The following FCHSD2 variants were observed in gnomAD, a reference collection of about 807,000 sequenced individuals.
FCHSD2 encodes FCH and double SH3 domains 2.
A neutral mutation model predicts 108.1 loss-of-function variants in FCHSD2; 38 were observed. That is an observed-to-expected ratio of 0.35 (90% CI 0.27 to 0.46). FCHSD2 has a LOEUF of 0.46. Among genes scored for constraint, FCHSD2 ranks in the 20% least tolerant of loss-of-function variants. FCHSD2 has a pLI of 1.00. For missense variants in FCHSD2, 751 were observed against 897.8 expected (o/e 0.84, Z 2.09); for synonymous variants, 279 against 314.7 (o/e 0.89, Z 1.20).
At chr11:72,916,073 T>C (rs1591395581) in intron 9 of FCHSD2, among the ~76,000 whole-genome samples, 2 of 151,312 alleles carry the variant, frequency 1.3e-5, no homozygotes, top group South Asian at 4.2e-4. Flanking sequence ...GGGTGGAGGG[T>C]GGGAGGAGGG....
At chr11:72,921,789 A>T in intron 9 of FCHSD2, 39 bp downstream of exon 9, 1 of 1,562,500 alleles carries the variant, frequency 6.4e-7, no homozygotes, top group Non-Finnish European at 8.8e-7. Context: ...TTAGCTTCTA[A>T]GTTGGATAAC....
chr11:73,042,093 A>C (rs905709081), intron 3 of FCHSD2, among the ~76,000 whole-genome samples: 2 of 151,932 alleles, frequency 1.3e-5, no homozygotes, highest in African/African-American at 2.4e-5. Flanking sequence ...CACCCAGCTA[A>C]TTTTTTTATT....
intron 2 of FCHSD2, among the ~76,000 whole-genome samples, chr11:73,094,786 C>T (rs1304080593): frequency 6.6e-6 from 1 of 152,158 alleles, no homozygotes; most frequent in Non-Finnish European, 1.5e-5. Context: ...TTCTGGAATA[C>T]AGTGGCTGTT....
At chr11:72,943,085 G>A (rs976084910) in intron 8 of FCHSD2, among the ~76,000 whole-genome samples, 19 of 152,098 alleles carry the variant, frequency 1.2e-4, no homozygotes, top group African/African-American at 2.2e-4. Context: ...TCCGCCTCCC[G>A]GGTTCAAGTG....
chr11:73,032,290 A>G (rs1007426509), intron 3 of FCHSD2, among the ~76,000 whole-genome samples: 8 of 152,154 alleles, frequency 5.3e-5, no homozygotes, highest in African/African-American at 1.7e-4. Context: ...GTACAACAGC[A>G]CAATCATTGT....
At chr11:72,874,574 A>G (rs1460992906) in intron 12 of FCHSD2, among the ~76,000 whole-genome samples, 1 of 152,250 alleles carries the variant, frequency 6.6e-6, no homozygotes, top group East Asian at 1.9e-4. Context: ...TAGAAATCAC[A>G]TATGCAAGTC....
chr11:72,917,626 C>T (rs1053650317), intron 9 of FCHSD2, among the ~76,000 whole-genome samples: 1 of 152,222 alleles, frequency 6.6e-6, no homozygotes, highest in African/African-American at 2.4e-5. Flanking sequence ...TGGCTGACGC[C>T]TGTAATCCCA....
At chr11:72,862,411 A>G (rs911216519) in intron 13 of FCHSD2, among the ~76,000 whole-genome samples, 2 of 152,272 alleles carry the variant, frequency 1.3e-5, no homozygotes, top group African/African-American at 2.4e-5. Context: ...ATATAAGATC[A>G]ATATACAACA....
chr11:72,882,214 G>A lies in FCHSD2; in HGVS notation c.1146+5256C>T, dbSNP rs534871459. Among the ~76,000 whole-genome samples the A allele has an allele frequency of 3.9e-5, 6 of 152,092 alleles. No homozygotes were observed. The South Asian group carries it at 6.2e-4, about 16-fold the overall frequency. On this transcript the variant is annotated intron_variant, in intron 12 of 19. Transcript: ENST00000409418. ...TCCCAGCACTTTGGGAGGCCAAGGC[G>A]GGTGGATCATGAGGTCAGGAGTTCG...
At position 73,082,730 on chromosome 11, in the gene FCHSD2, T is replaced by G. The variant is rs142568333; in HGVS notation, c.165+965A>C. The stretch of plus-strand genomic sequence containing the variant: ...AACAATCTCCCATATTTTAAAATTT[T>G]TGCTACAAAGACAACTTTTACAATT... On this transcript the variant is annotated intron_variant, in intron 3 of 19. Transcript: ENST00000409418. 1.3e-3 allele frequency among the ~76,000 whole-genome samples: 200 copies of G among 152,274 alleles called. 1 individual carries two copies. Among genetic ancestry groups the G allele is most frequent in the African/African-American group, 4.6e-3 (193 of 41,562 alleles).
chr11:72,863,755 G>T (rs1367699), intron 13 of FCHSD2, among the ~76,000 whole-genome samples: 24,623 of 152,060 alleles, frequency 0.16, 2,400 homozygotes, highest in Non-Finnish European at 0.23. Flanking sequence ...CATTATCAGA[G>T]AAATGGAAAT....
At chr11:73,110,721 TG>T in intron 2 of FCHSD2, among the ~76,000 whole-genome samples, 1 of 152,302 alleles carries the variant, frequency 6.6e-6, no homozygotes, top group East Asian at 1.9e-4. Context: ...GGGTTTGGTT[TG>T]CTCTTGCTTT....
chr11:72,854,707 T>C (rs1861376663), intron 13 of FCHSD2, among the ~76,000 whole-genome samples: 1 of 152,212 alleles, frequency 6.6e-6, no homozygotes, highest in African/African-American at 2.4e-5. Context: ...GATAAAATAC[T>C]CTGATTCTAC....
intron 8 of FCHSD2, among the ~76,000 whole-genome samples, chr11:72,969,767 C>T (rs762207297): frequency 5.3e-5 from 8 of 152,172 alleles, no homozygotes; most frequent in Non-Finnish European, 8.8e-5. Flanking sequence ...TCAGCAAACT[C>T]CACACTATGT....
chr11:73,082,335 C>CAAAAAAAAAA lies in FCHSD2; in HGVS notation c.165+1350_165+1359dup. On this transcript the variant is annotated intron_variant, in intron 3 of 19. Coordinates refer to ENST00000409418, the MANE Select transcript of FCHSD2 (RefSeq NM_014824.3). ...CTGGATCACAGAGTGAGACTTGTCC[C>CAAAAAAAAAA]AAAAAAAAAAAAAAAAAAAAAAAAA... Among the ~76,000 whole-genome samples the CAAAAAAAAAA allele has an allele frequency of 5.3e-3, 184 of 34,440 alleles. 1 individual carries two copies. Among genetic ancestry groups the CAAAAAAAAAA allele is most frequent in the Non-Finnish European group, 7.2e-3 (136 of 18,782 alleles). 22.6% of individuals were successfully genotyped at this position (34,440 alleles called of 152,430 possible).
intron 8 of FCHSD2, among the ~76,000 whole-genome samples, chr11:72,928,014 C>T (rs1203380374): frequency 1.3e-5 from 2 of 152,196 alleles, no homozygotes; most frequent in Admixed American, 6.5e-5. Flanking sequence ...GTACCACATA[C>T]TCCACAGGAC....
chr11:72,994,660 G>A (rs568941095), intron 5 of FCHSD2, among the ~76,000 whole-genome samples: 307 of 152,172 alleles, frequency 2.0e-3, no homozygotes, highest in Non-Finnish European at 3.7e-3. Context: ...CAGCTACTCG[G>A]GAGGCTGAGG....
At chr11:72,909,789 C>T (rs1468627704) in intron 9 of FCHSD2, among the ~76,000 whole-genome samples, 2 of 150,536 alleles carry the variant, frequency 1.3e-5, no homozygotes, top group African/African-American at 4.9e-5. Context: ...TGAGGAGCAC[C>T]TCTGCCCGGC....
intron 8 of FCHSD2, among the ~76,000 whole-genome samples, chr11:72,955,892 T>A (rs1467887145): frequency 1.3e-5 from 2 of 152,210 alleles, no homozygotes; most frequent in Non-Finnish European, 2.9e-5. Flanking sequence ...CATACATATA[T>A]TTCCTAGTTC....
Sources: gnomAD v4.1 joint callset for allele counts (sites outside exome capture counted in the v4.1 genomes callset) on GRCh38, gnomAD v4.1.1 for gene constraint, MANE v1.5 for transcripts, NCBI Gene and HGNC (gene_info 2026-07-23, HGNC 2026-07-21) for gene names.